Variants in LRP2 observed in about 807,000 individuals in gnomAD.
The protein encoded by LRP2 is low-density lipoprotein receptor-related protein 2.
LRP2 carries 172 observed loss-of-function variants against 531.0 expected under a neutral mutation model. That is an observed-to-expected ratio of 0.32 (90% CI 0.29 to 0.37). The LOEUF (loss-of-function observed/expected upper bound fraction) is 0.37, where lower values mean the gene tolerates loss of function less well. LRP2 is among the 10% of genes least tolerant of loss of function. The probability of loss-of-function intolerance (pLI) is 1.00; values close to 1 mark genes in which losing one functional copy is unlikely to be tolerated. For missense variants in LRP2, 5,167 were observed against 5,868.3 expected (o/e 0.88, Z 3.90); for synonymous variants, 1,992 against 2,027.6 (o/e 0.98, Z 0.47).
intron 16 of LRP2, among the ~76,000 whole-genome samples, chr2:169,266,804 T>A (rs1683201524): frequency 6.6e-6 from 1 of 151,890 alleles, no homozygotes; most frequent in African/African-American, 2.4e-5. Context: ...AGTCAATTAA[T>A]CTGTTAATGG....
intron 24 of LRP2, among the ~76,000 whole-genome samples, chr2:169,241,624 T>C (rs1689810093): frequency 1.3e-5 from 2 of 152,222 alleles, no homozygotes; most frequent in Non-Finnish European, 2.9e-5. Flanking sequence ...TGAGTACCTG[T>C]GTCAAAAGAA....
intron 65 of LRP2, among the ~76,000 whole-genome samples, chr2:169,154,876 G>A (rs545128363): frequency 1.9e-4 from 29 of 152,266 alleles, no homozygotes; most frequent in Non-Finnish European, 3.4e-4. Flanking sequence ...ATGGAACAAA[G>A]CTAGACTGAG....
intron 55 of LRP2, 97 bp downstream of exon 55, chr2:169,175,096 T>C (rs1472666691): frequency 3.2e-6 from 4 of 1,231,702 alleles, no homozygotes; most frequent in South Asian, 1.2e-5. Flanking sequence ...TTTGAACTGG[T>C]TTTTAGTTCA....
At chr2:169,329,257 G>A (rs1017434441) in intron 1 of LRP2, among the ~76,000 whole-genome samples, 1 of 152,116 alleles carries the variant, frequency 6.6e-6, no homozygotes, top group Non-Finnish European at 1.5e-5. Flanking sequence ...AAAACAACTT[G>A]ACAGGCCAGG....
At chr2:169,311,254 G>T (rs1384185241) in intron 3 of LRP2, among the ~76,000 whole-genome samples, 1 of 152,134 alleles carries the variant, frequency 6.6e-6, no homozygotes, top group Admixed American at 6.5e-5. Context: ...TTTTGAATGT[G>T]TTTGCTCTGG....
chr2:169,202,692 A>G (rs1245567470), intron 43 of LRP2, 64 bp downstream of exon 43: 17 of 1,528,000 alleles, frequency 1.1e-5, no homozygotes, highest in Middle Eastern at 1.7e-4. Context: ...GCAGGATTCC[A>G]TACCAAACAC....
At position 169,225,405 on chromosome 2, in the gene LRP2, C is replaced by T; in HGVS notation, c.5443G>A (p.Ala1815Thr). 1.2e-6 allele frequency: 2 copies of T among 1,614,038 alleles called. No homozygotes were observed. The highest frequency in any genetic ancestry group is 1.7e-6 in the Non-Finnish European group (2 of 1,179,968). Residue 1815 changes from alanine to threonine, a missense_variant, in exon 33 of 79, where the codon GCT becomes ACT. Physicochemically the swap from Ala to Thr is moderately conservative, Grantham distance 58 (BLOSUM62 0). Around this residue, in one of 6 missense-constraint regions of LRP2, gnomAD observed 2,811 missense variants for 3,058.0 expected, o/e 0.92. Transcript: ENST00000649046. ...KTDGTNRTVF[A>T]SISMVGPSMN... ...GAAGGCCCCACCATAGATATAGAAG[C>T]AAATACTGTCCTGTTGGTGCCATCT...
chr2:169,303,426 T>C (rs561624847), intron 4 of LRP2, among the ~76,000 whole-genome samples: 2 of 152,162 alleles, frequency 1.3e-5, no homozygotes, highest in Non-Finnish European at 2.9e-5. Flanking sequence ...CCTTGCAGCA[T>C]TGACGTGAAA....
In LRP2 at chr2:169,174,029, C is replaced by T; in HGVS notation, c.10904G>A (p.Cys3635Tyr). The T allele has an allele frequency of 1.2e-6, 2 of 1,614,244 alleles. No individual in the cohort carries two copies. Among genetic ancestry groups the T allele is most frequent in the Non-Finnish European group, 1.7e-6 (2 of 1,180,052 alleles). ...EDSSHCASRT[C>Y]RPGQFRCANG... The stretch of plus-strand genomic sequence containing the variant: ...AGCACACCGAAACTGGCCCGGCCGG[C>T]AGGTCCTGCTGGCACAGTGGGAACT... The change falls in exon 56 of 79, where the codon TGC (cysteine) becomes TAC (tyrosine). Residue 3635 changes from cysteine (C) to tyrosine (Y), a missense_variant. By Grantham distance (194) the Cys-to-Tyr change is radical (BLOSUM62 -2). Transcript: ENST00000649046.
intron 1 of LRP2, among the ~76,000 whole-genome samples, chr2:169,326,775 G>A (rs1402084918): frequency 2.0e-5 from 3 of 149,424 alleles, no homozygotes; most frequent in Non-Finnish European, 3.0e-5. Context: ...AGTGAGGAGC[G>A]CCTCTTCCCG....
rs190885131 is a variant in LRP2 at position 169,310,435 on chromosome 2, C to A, written c.311-3038G>T. 2.0e-5 allele frequency among the ~76,000 whole-genome samples: 3 copies of A among 152,204 alleles called. No homozygotes were observed. The South Asian group carries it at 6.2e-4, about 32-fold the overall frequency. On this transcript the variant is annotated intron_variant, in intron 3 of 78. Transcript: ENST00000649046. Reference sequence around the variant, plus strand: ...AGGGCTGTTGAATTTTGTCAAAGGCCTTTTCTGCGTCTATTGAGATAATCA... The same window carrying A: ...AGGGCTGTTGAATTTTGTCAAAGGCATTTTCTGCGTCTATTGAGATAATCA...
At chr2:169,205,259 T>C (rs778679239) in intron 41 of LRP2, among the ~76,000 whole-genome samples, 7 of 152,208 alleles carry the variant, frequency 4.6e-5, no homozygotes, top group Non-Finnish European at 7.3e-5. Flanking sequence ...CATCTTTAGA[T>C]GTCTTTTAGT....
chr2:169,348,242 T>G (rs1450127808), intron 1 of LRP2, among the ~76,000 whole-genome samples: 1 of 152,232 alleles, frequency 6.6e-6, no homozygotes, highest in Non-Finnish European at 1.5e-5. Context: ...TCTCTACTCA[T>G]CTATGTGTGG....
intron 52 of LRP2, among the ~76,000 whole-genome samples, chr2:169,178,573 C>T (rs749850037): frequency 2.0e-5 from 3 of 152,164 alleles, no homozygotes; most frequent in African/African-American, 4.8e-5. Flanking sequence ...TTGCAAACAC[C>T]AGCAGGACAT....
At chr2:169,158,743 CA>C (rs1329727438) in intron 63 of LRP2, among the ~76,000 whole-genome samples, 3 of 148,314 alleles carry the variant, frequency 2.0e-5, no homozygotes, top group East Asian at 1.9e-4. Flanking sequence ...TATACATATG[CA>C]AAAAAAAGAT....
intron 1 of LRP2, among the ~76,000 whole-genome samples, chr2:169,361,390 C>G (rs984486899): frequency 3.2e-4 from 44 of 138,552 alleles, no homozygotes; most frequent in Non-Finnish European, 5.4e-4. Flanking sequence ...CTCTCTCTCT[C>G]TCTCTGTCTC....
At chr2:169,355,282 A>G (rs540477040) in intron 1 of LRP2, among the ~76,000 whole-genome samples, 65 of 152,308 alleles carry the variant, frequency 4.3e-4, no homozygotes, top group Non-Finnish European at 8.5e-4. Flanking sequence ...AAGTTACCCC[A>G]GGGCTGCCAG....
At chr2:169,135,854 T>G (rs1685484492) in intron 76 of LRP2, among the ~76,000 whole-genome samples, 1 of 152,166 alleles carries the variant, frequency 6.6e-6, no homozygotes, top group East Asian at 1.9e-4. Flanking sequence ...ATACTCCTAT[T>G]CACCGTTCTC....
chr2:169,321,717 A>AT (rs553213898), intron 1 of LRP2, among the ~76,000 whole-genome samples: 1 of 152,040 alleles, frequency 6.6e-6, no homozygotes, highest in African/African-American at 2.4e-5. Context: ...TCTGCAAACA[A>AT]TTTTTTTTAA....
Sources: allele counts gnomAD v4.1 joint callset (sites outside exome capture counted in the v4.1 genomes callset), GRCh38; gene constraint gnomAD v4.1.1; regional missense constraint gnomAD v4.1.1; transcripts MANE v1.5; gene names NCBI Gene and HGNC (gene_info 2026-07-23, HGNC 2026-07-21).